Variants in PDE4DIP observed in about 807,000 individuals in gnomAD.
PDE4DIP encodes phosphodiesterase 4D interacting protein.
PDE4DIP carries 59 observed loss-of-function variants against 221.4 expected under a neutral mutation model. The ratio of observed to expected loss-of-function variants is 0.27; its 90% CI spans 0.22 to 0.33. The LOEUF is 0.33. Ranked by LOEUF, PDE4DIP falls within the 10% of genes least tolerant of loss-of-function variation. The pLI, the probability that PDE4DIP is intolerant of heterozygous loss-of-function variation, is 1.00. For synonymous variants in PDE4DIP, 404 were observed against 815.9 expected (o/e 0.50, Z 8.60); for missense variants, 1,036 against 2,154.2 (o/e 0.48, Z 10.28).
At chr1:148,967,207 T>C (rs1574501101) in intron 12 of PDE4DIP, among the ~76,000 whole-genome samples, 2 of 151,738 alleles carry the variant, frequency 1.3e-5, no homozygotes, top group Admixed American at 6.6e-5. Context: ...CCAGTAAATA[T>C]TGATTTCTGT....
exon 14 of PDE4DIP, chr1:148,968,892 G>A (rs1383618490): frequency 6.2e-7 from 1 of 1,613,488 alleles, no homozygotes; most frequent in Non-Finnish European, 8.5e-7. Flanking sequence ...AGATAGCAGA[G>A]GAGCTGTGCC....
At chr1:148,998,367 C>G in exon 23 of PDE4DIP, 1 of 1,581,798 alleles carries the variant, frequency 6.3e-7, no homozygotes, top group Non-Finnish European at 8.7e-7. Context: ...CCTCAGTGTC[C>G]CACATCAGGT....
chr1:148,969,844 T>C (rs111932175), intron 14 of PDE4DIP, among the ~76,000 whole-genome samples: 35,208 of 151,716 alleles, frequency 0.23, 4,564 homozygotes, highest in East Asian at 0.42. Flanking sequence ...GTAGCTGGGA[T>C]TACAGGCATG....
chr1:148,999,847 G>C (rs1355570962), intron 23 of PDE4DIP, among the ~76,000 whole-genome samples: 5 of 152,080 alleles, frequency 3.3e-5, no homozygotes, highest in Admixed American at 6.5e-5. Flanking sequence ...CACTTATACT[G>C]TAGAAGGTAG....
chr1:149,011,150 T>A (rs1203336904), intron 31 of PDE4DIP, among the ~76,000 whole-genome samples: 1 of 150,800 alleles, frequency 6.6e-6, no homozygotes, highest in Admixed American at 6.6e-5. Flanking sequence ...GTGCATTTCA[T>A]TTACAAGTTC....
intron 21 of PDE4DIP, chr1:148,985,608 A>G (rs1182155425): frequency 6.6e-6 from 1 of 152,208 alleles, no homozygotes; most frequent in East Asian, 1.9e-4. Context: ...GGGAAATGGA[A>G]GGGAACACAA....
At position 148,961,243 on chromosome 1, in the gene PDE4DIP, T is replaced by C. The variant is rs375749600; in HGVS notation, c.768+458T>C. 3.9e-5 allele frequency among the ~76,000 whole-genome samples: 6 copies of C among 152,274 alleles called. No homozygotes were observed. In the South Asian group the frequency reaches 1.2e-3, roughly 32 times the overall value. ...CAATCGCTTGAACGCAGGAGGTGGATGTTGCAGTGAGCCAGGACCATGCCA... is the reference window on the plus strand; with the variant it reads ...CAATCGCTTGAACGCAGGAGGTGGACGTTGCAGTGAGCCAGGACCATGCCA... On this transcript the variant is annotated intron_variant, in intron 6 of 43. Coordinates refer to ENST00000369354, the Ensembl canonical transcript of PDE4DIP.
rs587702204 is a variant in PDE4DIP at position 148,923,505 on chromosome 1, A to G, written c.142-5692A>G. Among the ~76,000 whole-genome samples, 57 of 144,274 alleles carry G rather than the reference A, an allele frequency of 4.0e-4. No individual in the cohort carries two copies. The East Asian group carries it at 7.3e-3, about 19-fold the overall frequency. 94.6% of individuals were successfully genotyped at this position (144,274 alleles called of 152,430 possible). A position where few individuals can be genotyped will look rare whatever the true frequency, so the allele number is the denominator to read the frequency against. On this transcript the variant is annotated intron_variant, in intron 1 of 43. Transcript: ENST00000369354. ...GTTGTTGTTTTTGAGACGGAGTCTT[A>G]CTCTGTCGCCCAGGCTGGAGTGCAG...
intron 1 of PDE4DIP, among the ~76,000 whole-genome samples, chr1:148,920,223 C>T (rs2045264076): frequency 6.9e-6 from 1 of 144,156 alleles, no homozygotes; most frequent in African/African-American, 2.8e-5. Flanking sequence ...ACCTCCGCCT[C>T]CTGGGTTCAA....
At chr1:148,815,371 A>C (rs1423091767) in intron 1 of PDE4DIP, among the ~76,000 whole-genome samples, 1 of 143,712 alleles carries the variant, frequency 7.0e-6, no homozygotes, top group Non-Finnish European at 1.5e-5. Flanking sequence ...CAACATGGTG[A>C]AACCCTGTCT....
In PDE4DIP at chr1:148,996,655, C is replaced by T. The variant is rs587603622; in HGVS notation, c.2905-1488C>T. Among the ~76,000 whole-genome samples, 10 of 152,272 alleles carry T rather than the reference C, an allele frequency of 6.6e-5. No homozygotes were observed. In the East Asian group the frequency reaches 1.7e-3, roughly 26 times the overall value. On this transcript the variant is annotated intron_variant, in intron 22 of 43. Transcript: ENST00000369354. Reference sequence around the variant, plus strand: ...ATTGCACATGCATACTGTGAATCGACCCTACCACAAACCTGTGACCTACAT... The same window carrying T: ...ATTGCACATGCATACTGTGAATCGATCCTACCACAAACCTGTGACCTACAT...
At chr1:149,023,779 T>C (rs61806591) in intron 37 of PDE4DIP, among the ~76,000 whole-genome samples, 12,854 of 37,090 alleles carry the variant, frequency 0.35, 3,575 homozygotes, top group African/African-American at 0.45. Flanking sequence ...TATATGTGTG[T>C]ACATATATAT....
chr1:148,927,377 C>A (rs1573569362), intron 1 of PDE4DIP, among the ~76,000 whole-genome samples: 1 of 151,968 alleles, frequency 6.6e-6, no homozygotes, highest in African/African-American at 2.4e-5. Flanking sequence ...ATCTAAAATG[C>A]CTTGAGTCCA....
rs374480339 is a variant in PDE4DIP, at chr1:149,009,631, T to G, written c.4767T>G (p.Ala1589=). The G allele has an allele frequency of 6.8e-6, 11 of 1,613,986 alleles. No individual in the cohort carries two copies. The African/African-American group carries it at 1.5e-4, about 22-fold the overall frequency. Residue 1589 remains alanine (A), a synonymous_variant, in exon 30 of 44, where the codon GCT becomes GCG. Coordinates refer to ENST00000369354, the Ensembl canonical transcript of PDE4DIP. ...AAGTCCTGCAGGCCAAGCTGGATGC[T>G]CGGTCCCTCACACCCTCCAGCAGCC... is the stretch of plus-strand genomic sequence containing the variant.
At chr1:148,815,368 G>C (rs1667472581) in intron 1 of PDE4DIP, among the ~76,000 whole-genome samples, 2 of 143,124 alleles carry the variant, frequency 1.4e-5, no homozygotes, top group Admixed American at 1.4e-4. Context: ...GGCCAACATG[G>C]TGAAACCCTG....
At chr1:149,027,122 CTTATTAT>C (rs2075401596) in intron 39 of PDE4DIP, among the ~76,000 whole-genome samples, 1 of 145,944 alleles carries the variant, frequency 6.9e-6, no homozygotes, top group African/African-American at 2.5e-5. Context: ...TACTCAGAAA[CTTATTAT>C]TTATTATGAT....
intron 21 of PDE4DIP, chr1:148,989,427 A>G: frequency 1.7e-6 from 1 of 594,036 alleles, no homozygotes; most frequent in South Asian, 4.6e-5. Flanking sequence ...GTGAAATAAG[A>G]TGGAGCATTA....
At chr1:148,940,612 G>A (rs587607079) in intron 5 of PDE4DIP, among the ~76,000 whole-genome samples, 1 of 152,096 alleles carries the variant, frequency 6.6e-6, no homozygotes, top group South Asian at 2.1e-4. Context: ...GAGCTGAGGG[G>A]ATCAGCATCT....
At chr1:148,939,879 C>T (rs1401696885) in intron 5 of PDE4DIP, 1 of 152,018 alleles carries the variant, frequency 6.6e-6, no homozygotes, top group Non-Finnish European at 1.5e-5. Flanking sequence ...CTTCCATATA[C>T]ATAAAATGAG....
Sources: gnomAD v4.1 joint callset for allele counts (sites outside exome capture counted in the v4.1 genomes callset) on GRCh38, gnomAD v4.1.1 for gene constraint, MANE v1.5 for transcripts, NCBI Gene and HGNC (gene_info 2026-07-23, HGNC 2026-07-21) for gene names.